CASZ1: variants seen among roughly 807,000 people sequenced by gnomAD.
CASZ1 encodes the protein zinc finger protein castor homolog 1.
CASZ1 carries 28 observed loss-of-function variants against 135.2 expected under a neutral mutation model. That is an observed-to-expected ratio of 0.21 (90% CI 0.15 to 0.28). CASZ1 has a LOEUF of 0.28. Among genes scored for constraint, CASZ1 ranks in the 10% least tolerant of loss-of-function variants. The probability of loss-of-function intolerance (pLI) is 1.00; values close to 1 mark genes in which losing one functional copy is unlikely to be tolerated. For missense variants in CASZ1, 2,161 were observed against 2,453.3 expected (o/e 0.88, Z 2.52); for synonymous variants, 1,068 against 1,073.4 (o/e 0.99, Z 0.10).
In CASZ1 at chr1:10,747,560, G is replaced by T. The variant is rs756125093; in HGVS notation, c.-77+13141C>A. Among the ~76,000 whole-genome samples, 3 of 152,146 alleles carry T rather than the reference G, an allele frequency of 2.0e-5. No homozygotes were observed. Among genetic ancestry groups the T allele is most frequent in the Non-Finnish European group, 4.4e-5 (3 of 68,022 alleles). On this transcript the variant is annotated intron_variant, in intron 2 of 20. Transcript: ENST00000377022. This position sits in a 1 kb window ranked among gnomAD's most constrained non-coding sequence, Gnocchi z 4.3. ...GTCCCTGTCCCGGGCTTTGCAGAGT[G>T]GGGAGAAGGTGAGGTGGGCTCAGGG...
At chr1:10,770,715 C>T (rs1490406263) in intron 1 of CASZ1, among the ~76,000 whole-genome samples, 6 of 152,200 alleles carry the variant, frequency 3.9e-5, no homozygotes, top group Non-Finnish European at 8.8e-5. Flanking sequence ...CCAGCTTCCT[C>T]CCAGCCCCAC....
chr1:10,657,414 T>G lies in CASZ1; in HGVS notation c.1410-678A>C, dbSNP rs115162805. Among the ~76,000 whole-genome samples, 548 of 151,830 alleles carry G rather than the reference T, an allele frequency of 3.6e-3. 4 individuals carry two copies. Among genetic ancestry groups the G allele is most frequent in the African/African-American group, 0.012 (506 of 41,352 alleles). ...ACACCATGACGACTGTGGAGAAGGG[T>G]GTGACTCAGCCCGCCTGTACCCCTC... On this transcript the variant is annotated intron_variant, in intron 7 of 20. Transcript: ENST00000377022. This position sits in a 1 kb window ranked among gnomAD's most constrained non-coding sequence, Gnocchi z 5.7.
At chr1:10,743,442 C>T (rs957745692) in intron 2 of CASZ1, among the ~76,000 whole-genome samples, 3 of 129,188 alleles carry the variant, frequency 2.3e-5, no homozygotes, top group African/African-American at 7.6e-5. Flanking sequence ...GAGCCCTGGG[C>T]CTCCACCGAG....
At chr1:10,649,537 C>T in intron 13 of CASZ1, 100 bp from the exon 14 acceptor site, 1 of 1,365,382 alleles carries the variant, frequency 7.3e-7, no homozygotes, top group Non-Finnish European at 9.9e-7. Flanking sequence ...CTGGGACCCA[C>T]CCAGCCCTCA....
intron 3 of CASZ1, among the ~76,000 whole-genome samples, chr1:10,702,620 G>A (rs752917487): frequency 4.6e-5 from 7 of 151,890 alleles, no homozygotes; most frequent in Non-Finnish European, 8.8e-5. Context: ...AGGGAGACGC[G>A]GGGCTGGAGG....
At position 10,692,046 on chromosome 1, in the gene CASZ1, G is replaced by T. The variant is rs532555348; in HGVS notation, c.16+1828C>A. On this transcript the variant is annotated intron_variant, in intron 4 of 20. Transcript: ENST00000377022. ...TTCCAGAGCCTGTCCCTGGAGTGCTGGGAGAAGTCAGTCTCCCTAAGGCCC... is the reference window on the plus strand; with the variant it reads ...TTCCAGAGCCTGTCCCTGGAGTGCTTGGAGAAGTCAGTCTCCCTAAGGCCC... Among the ~76,000 whole-genome samples, 265 of 152,284 alleles carry T rather than the reference G, an allele frequency of 1.7e-3. 2 individuals are homozygous for T. Among genetic ancestry groups the T allele is most frequent in the African/African-American group, 6.2e-3 (258 of 41,554 alleles).
rs1639204464 is a variant in CASZ1, at chr1:10,707,647, T to G, written c.-76-2103A>C. On this transcript the variant is annotated intron_variant, in intron 2 of 20. Transcript: ENST00000377022. This position sits in a 1 kb window ranked among gnomAD's most constrained non-coding sequence, Gnocchi z 5.0. ...TCCTGGCTGATGGGAGCAGGGAAGCTGTCCCTGGGTGGGATCTGGGACCCT... is the reference window on the plus strand; with the variant it reads ...TCCTGGCTGATGGGAGCAGGGAAGCGGTCCCTGGGTGGGATCTGGGACCCT... Among the ~76,000 whole-genome samples the G allele has an allele frequency of 1.3e-5, 2 of 152,118 alleles. No homozygotes were observed. Among genetic ancestry groups the G allele is most frequent in the South Asian group, 4.1e-4 (2 of 4,830 alleles).
chr1:10,693,936 A>C (rs575842048), intron 3 of CASZ1, 24 bp from the exon 4 acceptor site: 1 of 1,609,114 alleles, frequency 6.2e-7, no homozygotes, highest in Admixed American at 1.7e-5. Context: ...CACCAGGGGA[A>C]GACCGGGAGA....
intron 2 of CASZ1, among the ~76,000 whole-genome samples, chr1:10,754,475 C>G (rs762396150): frequency 6.6e-6 from 1 of 152,226 alleles, no homozygotes; most frequent in Non-Finnish European, 1.5e-5. Context: ...ACCCCTGAGG[C>G]TGAGCCCTGG....
chr1:10,779,279 ATT>A (rs386366223), intron 1 of CASZ1, among the ~76,000 whole-genome samples: 29 of 125,236 alleles, frequency 2.3e-4, no homozygotes, highest in Non-Finnish European at 2.6e-4. Context: ...TAATTTTATA[ATT>A]TTTTTTTTTT....
Position 10,647,121 on chromosome 1 carries a change from G to T in CASZ1, c.3497+680C>A, listed in dbSNP as rs560419443. ...AGGAGGAGGGGGAGGGGAGGCTGGTGGGGGGGACGGAGAACAGTGCTGGGC... is the reference window on the plus strand; with the variant it reads ...AGGAGGAGGGGGAGGGGAGGCTGGTTGGGGGGACGGAGAACAGTGCTGGGC... On this transcript the variant is annotated intron_variant, in intron 16 of 20. Coordinates refer to ENST00000377022, the MANE Select transcript of CASZ1 (RefSeq NM_001079843.3). This position sits in a 1 kb window ranked among gnomAD's most constrained non-coding sequence, Gnocchi z 4.9. 6 of 492,440 alleles carry T rather than the reference G, an allele frequency of 1.2e-5. No individual in the cohort carries two copies. Among genetic ancestry groups the T allele is most frequent in the African/African-American group, 6.3e-5 (3 of 47,516 alleles). The allele number at this position is 492,440 out of a possible 1,614,324, so 30.5% of individuals were successfully genotyped here.
At chr1:10,651,756 G>A (rs1035344061) in intron 11 of CASZ1, 1 of 152,174 alleles carries the variant, frequency 6.6e-6, no homozygotes, top group Non-Finnish European at 1.5e-5. Context: ...CCCCAGTGAC[G>A]GAAATATGAA....
At chr1:10,733,751 C>G (rs1639744786) in intron 2 of CASZ1, among the ~76,000 whole-genome samples, 2 of 152,238 alleles carry the variant, frequency 1.3e-5, no homozygotes, top group Non-Finnish European at 2.9e-5. Flanking sequence ...CAGTACTGGG[C>G]AGCCTGGACT....
rs577634 is a variant in CASZ1, at chr1:10,688,292, C to G, written c.16+5582G>C. Among the ~76,000 whole-genome samples, 1,383 of 152,286 alleles carry G rather than the reference C, an allele frequency of 9.1e-3. 21 individuals are homozygous for G. The highest frequency in any genetic ancestry group is 0.04 in the East Asian group (209 of 5,170). ...CAGCTTCTCTATCTTTTTCCAGGGCCAACGGGGTGTGAGGCTGGAAAGGTT... is the reference window on the plus strand; with the variant it reads ...CAGCTTCTCTATCTTTTTCCAGGGCGAACGGGGTGTGAGGCTGGAAAGGTT... On this transcript the variant is annotated intron_variant, in intron 4 of 20. Coordinates refer to ENST00000377022, the MANE Select transcript of CASZ1 (RefSeq NM_001079843.3).
At chr1:10,642,015 C>G (rs748863770) in intron 20 of CASZ1, 2 of 151,916 alleles carry the variant, frequency 1.3e-5, no homozygotes, top group Admixed American at 6.6e-5. Flanking sequence ...AAGGCATGTG[C>G]GCGTTACCTG....
At position 10,732,617 on chromosome 1, in the gene CASZ1, C is replaced by T. The variant is rs141335894; in HGVS notation, c.-76-27073G>A. 3.1e-3 allele frequency among the ~76,000 whole-genome samples: 468 copies of T among 152,280 alleles called. 2 individuals are homozygous for T. The highest frequency in any genetic ancestry group is 0.01 in the African/African-American group (420 of 41,556). ...ACATCCTAGGTGAGAGATTCAACCTCGGGCAGGATGGTGACCCTGGGATGC... is the reference window on the plus strand; with the variant it reads ...ACATCCTAGGTGAGAGATTCAACCTTGGGCAGGATGGTGACCCTGGGATGC... On this transcript the variant is annotated intron_variant, in intron 2 of 20. Transcript: ENST00000377022.
At position 10,676,184 on chromosome 1, in the gene CASZ1, G is replaced by A. The variant is rs1156305868; in HGVS notation, c.17-10613C>T. Among the ~76,000 whole-genome samples the A allele has an allele frequency of 6.6e-6, 1 of 152,142 alleles. No homozygotes were observed. The highest frequency in any genetic ancestry group is 1.5e-5 in the Non-Finnish European group (1 of 68,006). On this transcript the variant is annotated intron_variant, in intron 4 of 20. Transcript: ENST00000377022. The surrounding 1 kb of genome is among the most constrained non-coding windows in gnomAD (Gnocchi z 4.5). ...GTCACACAGAATGTGTGATCTCAGG[G>A]TGGTGACAAACCCATGCCAACCAAG...
intron 4 of CASZ1, among the ~76,000 whole-genome samples, chr1:10,693,620 A>AGCTCCT (rs1638835976): frequency 6.6e-6 from 1 of 150,578 alleles, no homozygotes; most frequent in Non-Finnish European, 1.5e-5. Context: ...GGTGCCCCCC[A>AGCTCCT]GCTCCTGCTC....
chr1:10,773,088 G>T (rs1256916349), intron 1 of CASZ1, among the ~76,000 whole-genome samples: 1 of 151,948 alleles, frequency 6.6e-6, no homozygotes. Flanking sequence ...GTGTCATCGA[G>T]CACCGGTGGG....
Sources: allele counts gnomAD v4.1 joint callset (sites outside exome capture counted in the v4.1 genomes callset), GRCh38; gene constraint gnomAD v4.1.1; non-coding constraint Gnocchi (gnomAD v3.1); transcripts MANE v1.5; gene names NCBI Gene and HGNC (gene_info 2026-07-23, HGNC 2026-07-21).